Variants in KLHL29 observed in about 807,000 individuals in gnomAD.
KLHL29 encodes the protein kelch-like protein 29.
In KLHL29, 21 loss-of-function variants were observed where a neutral mutation model predicts 80.4. The observed-to-expected ratio is 0.26, with a 90% CI of 0.19 to 0.38. The LOEUF (loss-of-function observed/expected upper bound fraction) is 0.38. Among genes scored for constraint, KLHL29 ranks in the 10% least tolerant of loss-of-function variants. KLHL29 has a pLI of 1.00. For synonymous variants in KLHL29, 511 were observed against 526.8 expected (o/e 0.97, Z 0.41); for missense variants, 867 against 1,223.9 (o/e 0.71, Z 4.35).
intron 7 of KLHL29, 92 bp downstream of exon 7, chr2:23,691,968 T>C: frequency 7.8e-7 from 1 of 1,281,884 alleles, no homozygotes; most frequent in Non-Finnish European, 1.1e-6. Context: ...GGGAGGTCTG[T>C]GTGTGCACAC....
chr2:23,670,979 TCCCTCCCTCCCTCC>T (rs1670720924), intron 5 of KLHL29, among the ~76,000 whole-genome samples: 1 of 6,050 alleles, frequency 1.7e-4, no homozygotes, highest in Admixed American at 2.1e-3. Context: ...TCTCTCTCTC[TCCCTCCCTCCCTCC>T]CTCCCTCCCC....
chr2:23,589,580 T>C (rs1668205621), intron 3 of KLHL29, among the ~76,000 whole-genome samples: 1 of 152,210 alleles, frequency 6.6e-6, no homozygotes, highest in African/African-American at 2.4e-5. Context: ...TGAGCGGCCT[T>C]GGCCCCAGGA....
chr2:23,646,851 T>C (rs1669947940), intron 5 of KLHL29, among the ~76,000 whole-genome samples: 1 of 152,210 alleles, frequency 6.6e-6, no homozygotes, highest in Admixed American at 6.5e-5. Flanking sequence ...GCCTCTTTCC[T>C]CATCTTTAAA....
At chr2:23,500,755 A>G (rs1192624379) in intron 2 of KLHL29, among the ~76,000 whole-genome samples, 1 of 152,218 alleles carries the variant, frequency 6.6e-6, no homozygotes, top group African/African-American at 2.4e-5. Flanking sequence ...GAGTTTTAAA[A>G]ACCGATTACT....
chr2:23,417,463 T>C (rs1446127928), intron 1 of KLHL29, among the ~76,000 whole-genome samples: 1 of 152,212 alleles, frequency 6.6e-6, no homozygotes, highest in African/African-American at 2.4e-5. Flanking sequence ...CAAACTTACA[T>C]ACGTCGAACC....
In KLHL29 at chr2:23,700,941, G is replaced by C. The variant is rs901270645; in HGVS notation, c.2106-2245G>C. Among the ~76,000 whole-genome samples, 1 of 152,090 alleles carries C rather than the reference G, an allele frequency of 6.6e-6. No individual in the cohort carries two copies. Among genetic ancestry groups the C allele is most frequent in the Non-Finnish European group, 1.5e-5 (1 of 68,018 alleles). ...TCCCCAGTTTGTCCTCAGCCCCCAT[G>C]CACTTCACATCTCCCCAGCACACTC... On this transcript the variant is annotated intron_variant, in intron 11 of 13. Transcript: ENST00000486442. This position sits in a 1 kb window ranked among gnomAD's most constrained non-coding sequence, Gnocchi z 4.6.
At chr2:23,532,469 A>G (rs1296699327) in intron 2 of KLHL29, 1 of 427,994 alleles carries the variant, frequency 2.3e-6, no homozygotes, top group East Asian at 7.0e-5. Flanking sequence ...GGCAGCACCC[A>G]GGGCGGCACC....
intron 3 of KLHL29, chr2:23,617,744 A>G (rs1406710139): frequency 6.6e-6 from 1 of 152,190 alleles, no homozygotes; most frequent in East Asian, 1.9e-4. Context: ...CAGCAACAGG[A>G]AAGGTTACAG....
chr2:23,469,489 A>G (rs1383008103), intron 1 of KLHL29, among the ~76,000 whole-genome samples: 1 of 152,250 alleles, frequency 6.6e-6, no homozygotes, highest in Non-Finnish European at 1.5e-5. Context: ...AAGCATCCTT[A>G]TGAAAAGCTG....
intron 3 of KLHL29, among the ~76,000 whole-genome samples, chr2:23,594,292 C>A (rs1395526584): frequency 1.3e-5 from 2 of 152,116 alleles, no homozygotes; most frequent in African/African-American, 2.4e-5. Flanking sequence ...GGAGGTGTCA[C>A]CATCTGGAAC....
intron 5 of KLHL29, among the ~76,000 whole-genome samples, chr2:23,653,929 G>C (rs1572468910): frequency 6.6e-6 from 1 of 152,158 alleles, no homozygotes; most frequent in Admixed American, 6.5e-5. Context: ...CACTTTGGGA[G>C]GCTGAGGCGG....
intron 1 of KLHL29, among the ~76,000 whole-genome samples, chr2:23,389,940 A>G (rs1244938593): frequency 2.6e-5 from 4 of 152,232 alleles, no homozygotes; most frequent in Admixed American, 6.5e-5. Context: ...AAATTTTACC[A>G]TAGAAAATGG....
intron 1 of KLHL29, among the ~76,000 whole-genome samples, chr2:23,471,948 T>C (rs931980812): frequency 6.6e-6 from 1 of 152,200 alleles, no homozygotes; most frequent in African/African-American, 2.4e-5. Flanking sequence ...AAATCACTTT[T>C]AAATACCATG....
intron 3 of KLHL29, among the ~76,000 whole-genome samples, chr2:23,613,109 A>G (rs1668911007): frequency 6.6e-6 from 1 of 152,226 alleles, no homozygotes. Context: ...GGATATTACA[A>G]TGAAATACAA....
intron 2 of KLHL29, among the ~76,000 whole-genome samples, chr2:23,531,488 A>C (rs1482430626): frequency 1.3e-5 from 2 of 152,338 alleles, no homozygotes; most frequent in Middle Eastern, 3.4e-3. Flanking sequence ...CAGTGAGCTG[A>C]GACCCTGCCT....
At chr2:23,468,119 C>A (rs182339329) in intron 1 of KLHL29, among the ~76,000 whole-genome samples, 1 of 152,192 alleles carries the variant, frequency 6.6e-6, no homozygotes, top group East Asian at 1.9e-4. Context: ...GAACAACCAT[C>A]GATGTTTAGT....
chr2:23,408,114 A>G lies in KLHL29; in HGVS notation c.-154+22334A>G, dbSNP rs141125654. On this transcript the variant is annotated intron_variant, in intron 1 of 13. Transcript: ENST00000486442. ...TTTCATTCAAACTTAGTTCTATACCACACTGTTTCAAATGCTGAAGTTTTC... is the reference window on the plus strand; with the variant it reads ...TTTCATTCAAACTTAGTTCTATACCGCACTGTTTCAAATGCTGAAGTTTTC... Among the ~76,000 whole-genome samples the G allele has an allele frequency of 1.9e-3, 283 of 152,022 alleles. 2 individuals are homozygous for G. Among genetic ancestry groups the G allele is most frequent in the African/African-American group, 6.8e-3 (281 of 41,458 alleles).
At chr2:23,646,173 CGTT>C (rs1299360281) in intron 5 of KLHL29, among the ~76,000 whole-genome samples, 6 of 151,564 alleles carry the variant, frequency 4.0e-5, no homozygotes, top group African/African-American at 9.7e-5. Context: ...ACATTTGTCT[CGTT>C]GTTGGATTGG....
At chr2:23,661,784 A>G (rs1670416156) in intron 5 of KLHL29, among the ~76,000 whole-genome samples, 2 of 152,218 alleles carry the variant, frequency 1.3e-5, no homozygotes, top group Non-Finnish European at 2.9e-5. Flanking sequence ...ATTTGCTGGG[A>G]GCTCTGGAGC....
Sources: gnomAD v4.1 joint callset for allele counts (sites outside exome capture counted in the v4.1 genomes callset) on GRCh38, gnomAD v4.1.1 for gene constraint, Gnocchi (gnomAD v3.1) non-coding constraint, MANE v1.5 for transcripts, NCBI Gene and HGNC (gene_info 2026-07-23, HGNC 2026-07-21) for gene names.